CIT: variants seen among roughly 807,000 people sequenced by gnomAD.
CIT encodes citron Rho-interacting kinase.
A neutral mutation model predicts 272.7 loss-of-function variants in CIT; 79 were observed. The observed-to-expected ratio is 0.29, with a 90% CI of 0.24 to 0.35. CIT has a LOEUF of 0.35. CIT is among the 10% of genes least tolerant of loss of function. The pLI is 1.00. For missense variants in CIT, 1,909 were observed against 2,618.3 expected (o/e 0.73, Z 5.91); for synonymous variants, 948 against 995.6 (o/e 0.95, Z 0.90).
chr12:119,784,519 T>C lies in CIT; in HGVS notation c.1401+441A>G, dbSNP rs1964591510. 1 of 1,184,390 alleles carries C rather than the reference T, an allele frequency of 8.4e-7. No homozygotes were observed. The highest frequency in any genetic ancestry group is 1.1e-6 in the Non-Finnish European group (1 of 943,940). The allele number at this position is 1,184,390 out of a possible 1,614,324, so 73.4% of individuals were successfully genotyped here. On this transcript the variant is annotated intron_variant, in intron 11 of 47. Coordinates refer to ENST00000392521, the MANE Select transcript of CIT (RefSeq NM_001206999.2). The surrounding 1 kb of genome is among the most constrained non-coding windows in gnomAD (Gnocchi z 4.7). ...CAGTGACTTATTAGTTTCCAGAGCG[T>C]TGCCTCTGGGCAGGAACAGTGAATG...
chr12:119,699,112 C>T (rs779985714), intron 44 of CIT, among the ~76,000 whole-genome samples: 8 of 151,844 alleles, frequency 5.3e-5, no homozygotes, highest in Non-Finnish European at 1.2e-4. Flanking sequence ...AAAAATTAGC[C>T]GGGTATGGTG....
intron 5 of CIT, among the ~76,000 whole-genome samples, chr12:119,839,486 A>C (rs932378916): frequency 6.6e-6 from 1 of 152,168 alleles, no homozygotes; most frequent in Non-Finnish European, 1.5e-5. Context: ...CTTTGGCATG[A>C]GGGAGGAGAG....
intron 9 of CIT, among the ~76,000 whole-genome samples, chr12:119,811,021 A>C (rs1240954361): frequency 6.6e-6 from 1 of 152,138 alleles, no homozygotes; most frequent in Non-Finnish European, 1.5e-5. Flanking sequence ...CCCACACAAC[A>C]CACTGTATAT....
At position 119,718,602 on chromosome 12, in the gene CIT, C is replaced by G. The variant is rs544131884; in HGVS notation, c.4003+97G>C. The G allele has an allele frequency of 1.3e-6, 2 of 1,527,214 alleles. No homozygotes were observed. Among genetic ancestry groups the G allele is most frequent in the South Asian group, 1.2e-5 (1 of 83,772 alleles). 94.6% of individuals were successfully genotyped at this position (1,527,214 alleles called of 1,614,324 possible). A position where few individuals can be genotyped will look rare whatever the true frequency, so the allele number is the denominator to read the frequency against. On this transcript the variant is annotated intron_variant, in intron 31 of 47. Coordinates refer to ENST00000392521, the MANE Select transcript of CIT (RefSeq NM_001206999.2). The surrounding 1 kb of genome is among the most constrained non-coding windows in gnomAD (Gnocchi z 4.8). ...GGTCTGAAAGCGTATGGGCCATAAA[C>G]GAAGACACTGAGCTAGTTAGTCTTG...
At chr12:119,738,959 G>C (rs1036216063) in intron 24 of CIT, among the ~76,000 whole-genome samples, 1 of 151,234 alleles carries the variant, frequency 6.6e-6, no homozygotes, top group African/African-American at 2.4e-5. Flanking sequence ...CTTATCTGTT[G>C]TTTTTCAGTG....
rs1374175747 is a variant in CIT, at chr12:119,775,853, C to T, written c.1888-14G>A. On this transcript the variant is annotated splice_polypyrimidine_tract_variant and intron_variant, in intron 15 of 47. Transcript: ENST00000392521. ...CTCAGCATTGATCTATAATTAAAAT[C>T]CCAGGAAATAAAGCAAAAGGCAAAT... 3.1e-6 allele frequency: 5 copies of T among 1,608,910 alleles called. No homozygotes were observed. Among genetic ancestry groups the T allele is most frequent in the Non-Finnish European group, 4.2e-6 (5 of 1,176,794 alleles).
intron 24 of CIT, among the ~76,000 whole-genome samples, chr12:119,738,440 A>T (rs531084220): frequency 6.6e-6 from 1 of 152,314 alleles, no homozygotes; most frequent in East Asian, 1.9e-4. Context: ...GATAGAGAGT[A>T]AAAAAGAGAA....
Position 119,712,550 on chromosome 12 carries a change from C to G in CIT, c.4684+41G>C. 6.3e-7 allele frequency: 1 copy of G among 1,583,670 alleles called. No individual in the cohort carries two copies. Among genetic ancestry groups the G allele is most frequent in the African/African-American group, 1.3e-5 (1 of 74,358 alleles). Reference sequence around the variant, plus strand: ...TCTGTCCCTGCTGATTGGCCAAGCCCGGCCCACCTCCAGGGCGGGGCTCCT... The same window carrying G: ...TCTGTCCCTGCTGATTGGCCAAGCCGGGCCCACCTCCAGGGCGGGGCTCCT... On this transcript the variant is annotated intron_variant, in intron 36 of 47. Transcript: ENST00000392521. The surrounding 1 kb of genome is among the most constrained non-coding windows in gnomAD (Gnocchi z 5.2).
chr12:119,855,571 TCCTTC>T (rs149379982), intron 4 of CIT, among the ~76,000 whole-genome samples: 18,028 of 151,634 alleles, frequency 0.12, 2,077 homozygotes, highest in African/African-American at 0.3. Context: ...GCACTTCTTT[TCCTTC>T]CCTTCACTGC....
chr12:119,806,138 A>C (rs1214451447), intron 9 of CIT, among the ~76,000 whole-genome samples: 6 of 4,892 alleles, frequency 1.2e-3, no homozygotes, highest in Non-Finnish European at 3.9e-3. Context: ...ACACCATCTC[A>C]AAAAAAAAAA....
chr12:119,760,752 C>T (rs182417814), intron 20 of CIT, among the ~76,000 whole-genome samples, 187 bp downstream of exon 20: 6 of 152,288 alleles, frequency 3.9e-5, no homozygotes, highest in African/African-American at 1.4e-4. Flanking sequence ...ACTGGCCATC[C>T]AGAGCCACCA....
At position 119,716,994 on chromosome 12, in the gene CIT, T is replaced by C. The variant is rs372337039; in HGVS notation, c.4168+1251A>G. The stretch of plus-strand genomic sequence containing the variant: ...TGAAACGAAGGTGTCTTGCAGTGTA[T>C]ACTGTAGTGTGCTATGATATTTATA... On this transcript the variant is annotated intron_variant, in intron 32 of 47. Coordinates refer to ENST00000392521, the MANE Select transcript of CIT (RefSeq NM_001206999.2). 2.0e-4 allele frequency among the ~76,000 whole-genome samples: 30 copies of C among 152,354 alleles called. No individual in the cohort carries two copies. The East Asian group carries it at 5.0e-3, about 25-fold the overall frequency.
rs200888227 is a variant in CIT at position 119,829,197 on chromosome 12, G to C, written c.753+3574C>G. Among the ~76,000 whole-genome samples the C allele has an allele frequency of 2.6e-4, 39 of 152,140 alleles. 1 individual carries two copies. The East Asian group carries it at 4.3e-3, about 17-fold the overall frequency. On this transcript the variant is annotated intron_variant, in intron 7 of 47. Coordinates refer to ENST00000392521, the MANE Select transcript of CIT (RefSeq NM_001206999.2). ...TACTAAAAATACAAAAATTAGCCAG[G>C]CATGGTGGCGGGCACCTGTAATCCC...
chr12:119,788,027 TAAA>T (rs1355613238), intron 10 of CIT, among the ~76,000 whole-genome samples: 1 of 152,224 alleles, frequency 6.6e-6, no homozygotes, highest in Non-Finnish European at 1.5e-5. Context: ...CTCACGGGCC[TAAA>T]GCAATTGCTT....
Position 119,777,131 on chromosome 12 carries a change from T to C in CIT, c.1666-289A>G, listed in dbSNP as rs112996189. On this transcript the variant is annotated intron_variant, in intron 13 of 47. Transcript: ENST00000392521. Reference sequence around the variant, plus strand: ...TTAGCTGGGTGTGGTGGTGCGGGCCTATAGTCCCAGCTACTTGGGAGGCTG... The same window carrying C: ...TTAGCTGGGTGTGGTGGTGCGGGCCCATAGTCCCAGCTACTTGGGAGGCTG... Among the ~76,000 whole-genome samples, 3,904 of 152,220 alleles carry C rather than the reference T, an allele frequency of 0.026. 154 individuals are homozygous for C. The highest frequency in any genetic ancestry group is 0.091 in the African/African-American group (3,761 of 41,516).
At chr12:119,840,702 G>T (rs1969350917) in intron 5 of CIT, among the ~76,000 whole-genome samples, 1 of 152,176 alleles carries the variant, frequency 6.6e-6, no homozygotes, top group Admixed American at 6.5e-5. Flanking sequence ...CATTCTGATG[G>T]GCAGCTGGTT....
Position 119,784,574 on chromosome 12 carries a change from T to C in CIT, c.1401+386A>G. Reference sequence around the variant, plus strand: ...GAGACGTTGAGCGTAATCAACACAGTGGCCGCAGTGACATAAGCAGGAGTT... The same window carrying C: ...GAGACGTTGAGCGTAATCAACACAGCGGCCGCAGTGACATAAGCAGGAGTT... On this transcript the variant is annotated intron_variant, in intron 11 of 47. Coordinates refer to ENST00000392521, the MANE Select transcript of CIT (RefSeq NM_001206999.2). This position sits in a 1 kb window ranked among gnomAD's most constrained non-coding sequence, Gnocchi z 4.7. 1 of 1,170,710 alleles carries C rather than the reference T, an allele frequency of 8.5e-7. No homozygotes were observed. The highest frequency in any genetic ancestry group is 1.1e-6 in the Non-Finnish European group (1 of 939,742). The allele number at this position is 1,170,710 out of a possible 1,614,324, so 72.5% of individuals were successfully genotyped here.
At chr12:119,695,408 A>T (rs1158905510) in intron 46 of CIT, among the ~76,000 whole-genome samples, 1 of 152,154 alleles carries the variant, frequency 6.6e-6, no homozygotes, top group East Asian at 1.9e-4. Context: ...CTGACTGTAC[A>T]TTTGGTTGTA....
At chr12:119,698,589 CAAAA>C (rs3858709) in intron 44 of CIT, among the ~76,000 whole-genome samples, 5 of 133,210 alleles carry the variant, frequency 3.8e-5, no homozygotes, top group Non-Finnish European at 4.8e-5. Flanking sequence ...GACTCTGTCT[CAAAA>C]AAAAAAAAAA....
Sources: gnomAD v4.1 joint callset for allele counts (sites outside exome capture counted in the v4.1 genomes callset) on GRCh38, gnomAD v4.1.1 for gene constraint, Gnocchi (gnomAD v3.1) non-coding constraint, MANE v1.5 for transcripts, NCBI Gene and HGNC (gene_info 2026-07-23, HGNC 2026-07-21) for gene names.